Variants in HPRT1 observed in about 807,000 individuals in gnomAD.
The protein encoded by HPRT1 is hypoxanthine-guanine phosphoribosyltransferase.
A neutral mutation model predicts 19.0 loss-of-function variants in HPRT1; 4 were observed. That is an observed-to-expected ratio of 0.21 (90% confidence interval 0.10 to 0.48). HPRT1 has a LOEUF of 0.48. Among genes scored for constraint, HPRT1 ranks in the 20% least tolerant of loss-of-function variants. HPRT1 has a pLI of 0.98. For missense variants in HPRT1, 65 were observed against 164.0 expected, an observed-to-expected ratio of 0.40 and a Z score of 3.30; for synonymous variants, 53 against 54.9, an observed-to-expected ratio of 0.97 and a Z score of 0.15.
At chrX:134,481,593 A>C (rs2077640803) in intron 3 of HPRT1, among the ~76,000 whole-genome samples, 1 of 110,512 alleles carries the variant, frequency 9.0e-6, no homozygotes, top group African/African-American at 3.3e-5. Context: ...CTATTTATTG[A>C]ATCGAGACCA....
intron 3 of HPRT1, among the ~76,000 whole-genome samples, chrX:134,484,463 A>G (rs977425390): frequency 8.9e-6 from 1 of 112,058 alleles, no homozygotes; most frequent in Non-Finnish European, 1.9e-5. Flanking sequence ...TCACCTTGCA[A>G]CACCAAATAA....
intron 1 of HPRT1, chrX:134,460,680 T>G (rs1388653911): frequency 4.2e-5 from 4 of 94,402 alleles, no homozygotes; most frequent in African/African-American, 9.8e-5. Context: ...TGGCGCGGGG[T>G]GGGGGCGTGG....
At chrX:134,487,071 G>A (rs1158531779) in intron 4 of HPRT1, among the ~76,000 whole-genome samples, 2 of 111,203 alleles carry the variant, frequency 1.8e-5, no homozygotes, top group Non-Finnish European at 3.8e-5. Flanking sequence ...GTGCTATAAT[G>A]CAAGTAGAGC....
chrX:134,488,521 G>A (rs1346456983), intron 4 of HPRT1, among the ~76,000 whole-genome samples: 1 of 111,150 alleles, frequency 9.0e-6, no homozygotes, highest in Non-Finnish European at 1.9e-5. Flanking sequence ...TAGTATTTGA[G>A]CAGATGAACT....
intron 4 of HPRT1, among the ~76,000 whole-genome samples, chrX:134,486,836 A>G (rs2077654992): frequency 9.3e-6 from 1 of 108,002 alleles, no homozygotes; most frequent in Admixed American, 1.0e-4. Context: ...AAAAAAAAAC[A>G]AACCTATGTG....
chrX:134,487,260 G>C (rs940131592), intron 4 of HPRT1, among the ~76,000 whole-genome samples: 1 of 111,524 alleles, frequency 9.0e-6, no homozygotes, highest in African/African-American at 3.3e-5. Context: ...TAATTTATTT[G>C]TTGACCCATT....
At chrX:134,481,008 A>G (rs1378686074) in intron 3 of HPRT1, among the ~76,000 whole-genome samples, 1 of 109,820 alleles carries the variant, frequency 9.1e-6, no homozygotes, top group African/African-American at 3.3e-5. Flanking sequence ...TTTAAGGTAT[A>G]CAACATGATG....
intron 2 of HPRT1, 21 bp from the exon 3 acceptor site, chrX:134,475,160 T>C (rs2077621329): frequency 8.6e-7 from 1 of 1,165,783 alleles, no homozygotes; most frequent in African/African-American, 1.8e-5. Flanking sequence ...TTCTATTAAA[T>C]TCCTGATTTT....
chrX:134,472,700 G>T (rs1274980428), intron 1 of HPRT1, among the ~76,000 whole-genome samples: 1 of 110,548 alleles, frequency 9.0e-6, no homozygotes. Flanking sequence ...CCAAGTAGCT[G>T]GGATTACAGG....
intron 1 of HPRT1, among the ~76,000 whole-genome samples, chrX:134,470,614 A>G (rs904957596): frequency 9.0e-6 from 1 of 111,640 alleles, no homozygotes; most frequent in Non-Finnish European, 1.9e-5. Flanking sequence ...AGCTTCTTGA[A>G]TGTGATTTGA....
intron 1 of HPRT1, among the ~76,000 whole-genome samples, chrX:134,467,829 G>A (rs1317959245): frequency 2.1e-5 from 2 of 97,417 alleles, no homozygotes; most frequent in Non-Finnish European, 4.1e-5. Flanking sequence ...TTTTTTAGAC[G>A]GAGTCTCGCT....
intron 1 of HPRT1, 110 bp from the exon 2 acceptor site, chrX:134,473,249 C>G: frequency 1.9e-6 from 1 of 539,713 alleles, no homozygotes; most frequent in East Asian, 3.5e-5. Flanking sequence ...CTAATATCAT[C>G]TTACACCTAA....
At chrX:134,479,578 T>G (rs1206697846) in intron 3 of HPRT1, among the ~76,000 whole-genome samples, 2 of 111,141 alleles carry the variant, frequency 1.8e-5, no homozygotes, top group Non-Finnish European at 3.8e-5. Flanking sequence ...CCAGTGGTTT[T>G]TTGTTGTTGT....
intron 1 of HPRT1, among the ~76,000 whole-genome samples, chrX:134,471,361 T>C (rs1349713040): frequency 2.7e-5 from 3 of 111,826 alleles, no homozygotes; most frequent in Non-Finnish European, 5.6e-5. Context: ...GTACTCATAG[T>C]ACATTTTCAC....
intron 3 of HPRT1, among the ~76,000 whole-genome samples, chrX:134,482,083 C>A: frequency 9.0e-6 from 1 of 111,496 alleles, no homozygotes; most frequent in Non-Finnish European, 1.9e-5. Context: ...GAGACAGGGT[C>A]TCACTCTGTC....
chrX:134,470,834 G>C (rs1313096087), intron 1 of HPRT1, among the ~76,000 whole-genome samples: 2 of 109,210 alleles, frequency 1.8e-5, no homozygotes, highest in African/African-American at 6.7e-5. Context: ...TTGGGAGGCT[G>C]AGGCAGGAGG....
Position 134,460,311 on chromosome X carries a change from T to C in HPRT1, c.-1T>C. The C allele has an allele frequency of 8.8e-7, 1 of 1,132,659 alleles. No homozygotes were observed. Among genetic ancestry groups the C allele is most frequent in the African/African-American group, 1.9e-5 (1 of 53,970 alleles). 93.3% of individuals were successfully genotyped at this position (1,132,659 alleles called of 1,213,427 possible). On this transcript the variant is annotated 5_prime_UTR_variant, in exon 1 of 9. Transcript: ENST00000298556. ...CAGCCCGCGCGCCGGCCGGCTCCGT[T>C]ATGGCGACCCGCAGCCCTGGCGTCG...
At position 134,498,615 on chromosome X, in the gene HPRT1, A is replaced by G; in HGVS notation, c.540A>G (p.Gly180=). ...AATTATGATTCTTTTTAGTTGTTGG[A>G]TTTGAAATTCCAGACAAGTTTGTTG... ...RSVGYKPDFV[G]FEIPDKFVVG... Residue 180 remains glycine (G), a synonymous_variant, in exon 8 of 9, where the codon GGA becomes GGG. Transcript: ENST00000298556. The G allele has an allele frequency of 8.5e-7, 1 of 1,180,719 alleles. No homozygotes were observed. Among genetic ancestry groups the G allele is most frequent in the Non-Finnish European group, 1.2e-6 (1 of 867,269 alleles).
At chrX:134,491,512 G>A (rs1483442936) in intron 5 of HPRT1, among the ~76,000 whole-genome samples, 2 of 110,812 alleles carry the variant, frequency 1.8e-5, no homozygotes, top group Non-Finnish European at 3.8e-5. Context: ...ATCGTAAGTT[G>A]GATACCATCT....
Sources: allele counts gnomAD v4.1 joint callset (sites outside exome capture counted in the v4.1 genomes callset), GRCh38; gene constraint gnomAD v4.1.1; transcripts MANE v1.5; gene names NCBI Gene and HGNC (gene_info 2026-07-23, HGNC 2026-07-21).